Variants in KCNH8 observed in about 807,000 individuals in gnomAD.
The protein encoded by KCNH8 is potassium voltage-gated channel subfamily H member 8, also known as voltage-gated delayed rectifier potassium channel KCNH8.
KCNH8 carries 70 observed loss-of-function variants against 103.6 expected under a neutral mutation model. The ratio of observed to expected loss-of-function variants is 0.68; its 90% CI spans 0.56 to 0.82. KCNH8 has a LOEUF of 0.82. Among genes scored for constraint, KCNH8 ranks in the 40% least tolerant of loss-of-function variants. KCNH8 has a pLI of 0.00. For missense variants in KCNH8, 1,217 were observed against 1,329.9 expected (o/e 0.92, Z 1.32); for synonymous variants, 498 against 489.4 (o/e 1.02, Z -0.23).
At chr3:19,397,304 AC>A (rs893998472) in intron 7 of KCNH8, among the ~76,000 whole-genome samples, 2 of 151,494 alleles carry the variant, frequency 1.3e-5, no homozygotes, top group African/African-American at 4.8e-5. Flanking sequence ...GGGGCAATAG[AC>A]CTCTCCTGTC....
chr3:19,432,732 T>A (rs1190546721), intron 7 of KCNH8, among the ~76,000 whole-genome samples: 6 of 152,150 alleles, frequency 3.9e-5, no homozygotes, highest in Admixed American at 3.9e-4. Context: ...GGGGAACAGA[T>A]CTGAAAGCAT....
intron 7 of KCNH8, among the ~76,000 whole-genome samples, chr3:19,409,116 G>C (rs1216439648): frequency 6.6e-6 from 1 of 151,980 alleles, no homozygotes; most frequent in Non-Finnish European, 1.5e-5. Context: ...AAGGCAGCTA[G>C]AGGAAAAGGA....
intron 1 of KCNH8, among the ~76,000 whole-genome samples, chr3:19,170,082 A>C (rs1365893753): frequency 6.6e-6 from 1 of 152,124 alleles, no homozygotes; most frequent in Non-Finnish European, 1.5e-5. Context: ...TTCTTCCCTT[A>C]TTTCACTTTA....
chr3:19,250,098 C>T lies in KCNH8; in HGVS notation c.77-3556C>T, dbSNP rs571295525. Among the ~76,000 whole-genome samples the T allele has an allele frequency of 1.8e-4, 28 of 152,110 alleles. No individual in the cohort carries two copies. The South Asian group carries it at 5.8e-3, about 32-fold the overall frequency. ...AAATTAGCCAGGTGTGAATTTTTAA[C>T]GTATAATCTCTACAGAGAAAAATCT... On this transcript the variant is annotated intron_variant, in intron 1 of 15. Coordinates refer to ENST00000328405, the MANE Select transcript of KCNH8 (RefSeq NM_144633.3).
intron 7 of KCNH8, among the ~76,000 whole-genome samples, chr3:19,403,448 C>T (rs1310691564): frequency 6.8e-6 from 1 of 146,382 alleles, no homozygotes. Flanking sequence ...TTAACTATTA[C>T]CCCCATCATG....
chr3:19,186,366 C>T (rs1259052844), intron 1 of KCNH8, among the ~76,000 whole-genome samples: 1 of 151,754 alleles, frequency 6.6e-6, no homozygotes, highest in Non-Finnish European at 1.5e-5. Context: ...CTTGCACATG[C>T]CTTTTGTTTC....
At chr3:19,432,827 C>A (rs909194116) in intron 7 of KCNH8, among the ~76,000 whole-genome samples, 20 of 152,114 alleles carry the variant, frequency 1.3e-4, no homozygotes, top group African/African-American at 4.6e-4. Flanking sequence ...TGAGCCTAAT[C>A]TTTGTTATGC....
chr3:19,297,340 T>G (rs1050250376), intron 3 of KCNH8, among the ~76,000 whole-genome samples: 5 of 152,326 alleles, frequency 3.3e-5, no homozygotes, highest in South Asian at 2.1e-4. Flanking sequence ...GCCCAAATGG[T>G]ACTACAACTA....
At chr3:19,153,622 T>C (rs1334395721) in intron 1 of KCNH8, among the ~76,000 whole-genome samples, 1 of 151,414 alleles carries the variant, frequency 6.6e-6, no homozygotes, top group East Asian at 1.9e-4. Context: ...TTCTTTTCTT[T>C]TCTTTCTTTT....
intron 3 of KCNH8, among the ~76,000 whole-genome samples, chr3:19,290,373 G>T (rs1206177346): frequency 6.6e-6 from 1 of 152,136 alleles, no homozygotes. Context: ...TGTGATATTG[G>T]CTGTGGGTTT....
intron 8 of KCNH8, among the ~76,000 whole-genome samples, chr3:19,443,292 TG>T (rs2067309083): frequency 6.6e-6 from 1 of 150,894 alleles, no homozygotes. Flanking sequence ...AAGAAATGGG[TG>T]AAAAAATGCT....
chr3:19,395,697 T>C (rs2066506119), intron 7 of KCNH8, among the ~76,000 whole-genome samples: 1 of 152,000 alleles, frequency 6.6e-6, no homozygotes, highest in Non-Finnish European at 1.5e-5. Context: ...AAGAAAATGA[T>C]CACTTATATT....
At position 19,504,997 on chromosome 3, in the gene KCNH8, C is replaced by A. The variant is rs149632341; in HGVS notation, c.2041-5366C>A. Among the ~76,000 whole-genome samples the A allele has an allele frequency of 9.5e-3, 1,414 of 149,488 alleles. 21 individuals carry two copies. Among genetic ancestry groups the A allele is most frequent in the African/African-American group, 0.033 (1,320 of 40,580 alleles). The stretch of plus-strand genomic sequence containing the variant: ...TATATATATATACACATATATATAT[C>A]TCTCTCACATTCATATAATATATAT... On this transcript the variant is annotated intron_variant, in intron 11 of 15. Coordinates refer to ENST00000328405, the MANE Select transcript of KCNH8 (RefSeq NM_144633.3).
In KCNH8 at chr3:19,148,778, C is replaced by A; in HGVS notation, c.59C>A (p.Thr20Asn). ...PQNTFLDTIA[T>N]RFDGTHSNFI... ...AACACCTTCCTGGACACCATCGCCACCCGTTTTGACGGAACACGTAAGTCT... is the reference window on the plus strand; with the variant it reads ...AACACCTTCCTGGACACCATCGCCAACCGTTTTGACGGAACACGTAAGTCT... The change falls in exon 1 of 16, where the codon ACC becomes AAC. Residue 20 changes from threonine to asparagine, a missense_variant. Physicochemically the swap from Thr to Asn is moderately conservative, Grantham distance 65 (BLOSUM62 0). Around this residue, in one of 3 missense-constraint regions of KCNH8, gnomAD observed 244 missense variants for 256.8 expected, o/e 0.95. Coordinates refer to ENST00000328405, the MANE Select transcript of KCNH8 (RefSeq NM_144633.3). The A allele has an allele frequency of 1.9e-6, 3 of 1,614,116 alleles. No homozygotes were observed. Among genetic ancestry groups the A allele is most frequent in the Non-Finnish European group, 2.5e-6 (3 of 1,179,948 alleles).
At chr3:19,335,873 T>A (rs982049385) in intron 3 of KCNH8, among the ~76,000 whole-genome samples, 1 of 151,850 alleles carries the variant, frequency 6.6e-6, no homozygotes, top group African/African-American at 2.4e-5. Flanking sequence ...AAATTCATGA[T>A]CTTGTTTTCA....
chr3:19,507,554 T>C (rs1341403781), intron 11 of KCNH8, among the ~76,000 whole-genome samples: 3 of 152,088 alleles, frequency 2.0e-5, no homozygotes, highest in Non-Finnish European at 4.4e-5. Context: ...GCAGCTGCAA[T>C]GGCAGAGGGA....
At chr3:19,243,821 A>G (rs1286062315) in intron 1 of KCNH8, among the ~76,000 whole-genome samples, 1 of 152,154 alleles carries the variant, frequency 6.6e-6, no homozygotes, top group Non-Finnish European at 1.5e-5. Flanking sequence ...AAAAAGAAAT[A>G]TTCTTTGAAT....
chr3:19,283,241 C>T (rs2064780740), intron 3 of KCNH8, among the ~76,000 whole-genome samples: 1 of 152,120 alleles, frequency 6.6e-6, no homozygotes, highest in Non-Finnish European at 1.5e-5. Context: ...TCAATTTGAA[C>T]ACTGTGCAAC....
chr3:19,409,401 C>T (rs997698865), intron 7 of KCNH8, among the ~76,000 whole-genome samples: 3 of 152,146 alleles, frequency 2.0e-5, no homozygotes, highest in South Asian at 4.1e-4. Context: ...TGATAACTGC[C>T]GCTACAAAAA....
Sources: allele counts gnomAD v4.1 joint callset (sites outside exome capture counted in the v4.1 genomes callset), GRCh38; gene constraint gnomAD v4.1.1; regional missense constraint gnomAD v4.1.1; transcripts MANE v1.5; gene names NCBI Gene and HGNC (gene_info 2026-07-23, HGNC 2026-07-21).